Variants in PRSS22 observed in about 807,000 individuals in gnomAD.
The protein encoded by PRSS22 is brain-specific serine protease 4.
In PRSS22, 26 loss-of-function variants were observed where a neutral mutation model predicts 28.0. That is an observed-to-expected ratio of 0.93 (90% confidence interval 0.68 to 1.29). The LOEUF (loss-of-function observed/expected upper bound fraction) is 1.29, where lower values mean the gene tolerates loss of function less well. Among genes scored for constraint, PRSS22 ranks in the 50% most tolerant of loss-of-function variants. PRSS22 has a pLI of 0.00. For synonymous variants in PRSS22, 217 were observed against 177.9 expected, an observed-to-expected ratio of 1.22 and a Z score of -1.75; for missense variants, 444 against 422.1, an observed-to-expected ratio of 1.05 and a Z score of -0.46.
At chr16:2,856,964 T>G in intron 1 of PRSS22, 116 bp from the exon 2 acceptor site, 27 of 1,182,906 alleles carry the variant, frequency 2.3e-5, no homozygotes, top group Non-Finnish European at 2.7e-5. Flanking sequence ...GGGATCCCAG[T>G]GCCCAGTGAG....
At position 2,853,145 on chromosome 16, in the gene PRSS22, C is replaced by T. The variant is rs770631804; in HGVS notation, c.902G>A (p.Gly301Asp). Residue 301 changes from glycine to aspartate, a missense_variant, in exon 6 of 6, where the codon GGT (glycine) becomes GAT (aspartate). Gly to Asp is a moderately conservative substitution (Grantham distance 94, BLOSUM62 -1). Coordinates refer to ENST00000161006, the MANE Select transcript of PRSS22 (RefSeq NM_022119.4). This position sits in a 1 kb window ranked among gnomAD's most constrained non-coding sequence, Gnocchi z 4.6. ...GVQLRGRAQG[G>D]GALRAPSQGS... ...CTGGCTCGGTGCCCTGAGGGCCCCA[C>T]CCCCCTGAGCGCGCCCGCGGAGCTG... is the stretch of plus-strand genomic sequence containing the variant. 8.1e-6 allele frequency: 13 copies of T among 1,597,466 alleles called. No homozygotes were observed. The highest frequency in any genetic ancestry group is 4.0e-5 in the African/African-American group (3 of 74,840).
chr16:2,855,670 C>A lies in PRSS22; in HGVS notation c.463G>T (p.Glu155Ter), dbSNP rs141354307. ...VRLERSIQFS[E>*]RVLPICLPDA... is the part of the protein sequence containing the mutation. ...GGTAGGCAGATGGGCAGGACCCGCT[C>A]TGAGAACTGTATGGAGCGCTCGAGA... Residue 155 changes from glutamate (E) to a stop codon, truncating the protein, a stop_gained, in exon 4 of 6, where the codon GAG becomes TAG. Transcript: ENST00000161006. LOFTEE classifies it high-confidence loss of function. 3.1e-6 allele frequency: 5 copies of A among 1,614,168 alleles called. No individual in the cohort carries two copies. Among genetic ancestry groups the A allele is most frequent in the Non-Finnish European group, 4.2e-6 (5 of 1,180,028 alleles).
At position 2,852,860 on chromosome 16, in the gene PRSS22, G is replaced by A; in HGVS notation, c.*233C>T. 2 of 525,186 alleles carry A rather than the reference G, an allele frequency of 3.8e-6. No individual in the cohort carries two copies. Among genetic ancestry groups the A allele is most frequent in the Non-Finnish European group, 6.7e-6 (2 of 300,154 alleles). The allele number at this position is 525,186 out of a possible 1,614,324, so 32.5% of individuals were successfully genotyped here. ...GGCCCGGGGCGGGGCCGGAAGTCGT[G>A]GGGGCGGGGACATGAGGCCGTTGGG... On this transcript the variant is annotated 3_prime_UTR_variant, in exon 6 of 6. Transcript: ENST00000161006.
rs891678326 is a variant in PRSS22 at position 2,853,994 on chromosome 16, C to A, written c.588G>T (p.Gln196His). 5.6e-6 allele frequency: 9 copies of A among 1,614,220 alleles called. No homozygotes were observed. The highest frequency in any genetic ancestry group is 6.8e-6 in the Non-Finnish European group (8 of 1,180,046). ...AGTCGATGATAGGAACCTTCAGCTT[C>A]TGCAGGGTCTGAGGGTGGGGCAAGG... ...GVPLPHPQTL[Q>H]KLKVPIIDSE... The change falls in exon 5 of 6, where the codon CAG becomes CAT. Residue 196 changes from glutamine to histidine, a missense_variant. Physicochemically the swap from Gln to His is conservative, Grantham distance 24. Transcript: ENST00000161006. This position sits in a 1 kb window ranked among gnomAD's most constrained non-coding sequence, Gnocchi z 4.6.
At position 2,854,006 on chromosome 16, in the gene PRSS22, A is replaced by T; in HGVS notation, c.576T>A (p.Pro192=). 2 of 1,614,132 alleles carry T rather than the reference A, an allele frequency of 1.2e-6. No individual in the cohort carries two copies. The highest frequency in any genetic ancestry group is 1.7e-6 in the Non-Finnish European group (2 of 1,180,018). ...GAACCTTCAGCTTCTGCAGGGTCTG[A>T]GGGTGGGGCAAGGGAACTGGGAGGA... is the stretch of plus-strand genomic sequence containing the variant. ...SIQDGVPLPH[P]QTLQKLKVPI... The change falls in exon 5 of 6, where the codon CCT becomes CCA. Residue 192 remains proline (P), a synonymous_variant. Coordinates refer to ENST00000161006, the MANE Select transcript of PRSS22 (RefSeq NM_022119.4).
In PRSS22 at chr16:2,853,724, A is replaced by C. The variant is rs534999567; in HGVS notation, c.717+141T>G. ...GCTGAGCCAGGCTGAGGCTGGTTCT[A>C]TGGGGACCCGGGACTGTCAGGCACA... On this transcript the variant is annotated intron_variant, in intron 5 of 5. Coordinates refer to ENST00000161006, the MANE Select transcript of PRSS22 (RefSeq NM_022119.4). The surrounding 1 kb of genome is among the most constrained non-coding windows in gnomAD (Gnocchi z 4.6). The C allele has an allele frequency of 4.4e-6, 4 of 906,410 alleles. No individual in the cohort carries two copies. In the African/African-American group the frequency reaches 6.6e-5, roughly 15 times the overall value. 56.1% of individuals were successfully genotyped at this position (906,410 alleles called of 1,614,324 possible). A position where few individuals can be genotyped will look rare whatever the true frequency, so the allele number is the denominator to read the frequency against.
At position 2,855,603 on chromosome 16, in the gene PRSS22, A is replaced by G; in HGVS notation, c.530T>C (p.Ile177Thr). The stretch of plus-strand genomic sequence containing the variant: ...ATCTTGGATGCTCCCCCAGCCTGAG[A>G]TCCAGCAGTGGGTGTTTGGAGGGAG... ...IHLPPNTHCW[I>T]SGWGSIQDGV... Residue 177 changes from isoleucine (I) to threonine (T), a missense_variant, in exon 4 of 6, where the codon ATC becomes ACC. Coordinates refer to ENST00000161006, the MANE Select transcript of PRSS22 (RefSeq NM_022119.4). The G allele has an allele frequency of 6.2e-7, 1 of 1,614,044 alleles. No homozygotes were observed.
intron 1 of PRSS22, among the ~76,000 whole-genome samples, chr16:2,857,408 A>G (rs1321996525): frequency 6.6e-6 from 1 of 151,848 alleles, no homozygotes; most frequent in Non-Finnish European, 1.5e-5. Context: ...CAGGCGTCCC[A>G]GCGCCCAGTG....
At position 2,857,013 on chromosome 16, in the gene PRSS22, G is replaced by A. The variant is rs367849238; in HGVS notation, c.83-165C>T. ...CACCCAGTGAGGAGGGTCCCTCAGC[G>A]CCCAGTGAGGAGGGGTCCCAGCACC... On this transcript the variant is annotated intron_variant, in intron 1 of 5. Coordinates refer to ENST00000161006, the MANE Select transcript of PRSS22 (RefSeq NM_022119.4). The A allele has an allele frequency of 3.0e-5, 23 of 778,000 alleles. No individual in the cohort carries two copies. In the East Asian group the frequency reaches 4.6e-4, roughly 15 times the overall value. The allele number at this position is 778,000 out of a possible 1,614,324, so 48.2% of individuals were successfully genotyped here.
intron 4 of PRSS22, 66 bp from the exon 5 acceptor site, chr16:2,854,088 A>C: frequency 1.3e-6 from 2 of 1,563,748 alleles, no homozygotes; most frequent in Non-Finnish European, 1.8e-6. Flanking sequence ...TCAAAGGACT[A>C]TTCCCCCCCA....
At chr16:2,855,365 A>AAGAAG (rs545906023) in intron 4 of PRSS22, among the ~76,000 whole-genome samples, 1 of 134,584 alleles carries the variant, frequency 7.4e-6, no homozygotes, top group African/African-American at 2.9e-5. Flanking sequence ...AAAAAAAAAA[A>AAGAAG]AAGAAGAAGA....
rs905459091 is a variant in PRSS22 at position 2,853,019 on chromosome 16, G to A, written c.*74C>T. On this transcript the variant is annotated 3_prime_UTR_variant, in exon 6 of 6. Transcript: ENST00000161006. This position sits in a 1 kb window ranked among gnomAD's most constrained non-coding sequence, Gnocchi z 4.6. Reference sequence around the variant, plus strand: ...CTATTTACGGCGGGGGAAACCGCCCGAGGCCGCCGCAGATCCAGATCCAGA... The same window carrying A: ...CTATTTACGGCGGGGGAAACCGCCCAAGGCCGCCGCAGATCCAGATCCAGA... 1 of 1,059,506 alleles carries A rather than the reference G, an allele frequency of 9.4e-7. No individual in the cohort carries two copies. The highest frequency in any genetic ancestry group is 1.7e-5 in the South Asian group (1 of 60,002). 65.6% of individuals were successfully genotyped at this position (1,059,506 alleles called of 1,614,324 possible).
intron 4 of PRSS22, among the ~76,000 whole-genome samples, chr16:2,855,347 C>CAAAAAAAAAAAAAAAA (rs33950878): frequency 1.2e-4 from 8 of 69,022 alleles, no homozygotes; most frequent in Non-Finnish European, 1.8e-4. Flanking sequence ...CACCCTGTCT[C>CAAAAAAAAAAAAAAAA]AAAAAAAAAA....
At chr16:2,857,081 G>A (rs2069465559) in intron 1 of PRSS22, 2 of 581,994 alleles carry the variant, frequency 3.4e-6, no homozygotes, top group Non-Finnish European at 6.0e-6. Context: ...AGGGGTCCCA[G>A]TACCCAGTGA....
intron 1 of PRSS22, 81 bp downstream of exon 1, chr16:2,857,942 A>AGGAGGGAGAGAG (rs2069478463): frequency 9.4e-7 from 1 of 1,069,146 alleles, no homozygotes; most frequent in African/African-American, 1.6e-5. Flanking sequence ...AGGCAAGGCC[A>AGGAGGGAGAGAG]GGAGGGAGAG....
chr16:2,853,831 C>T lies in PRSS22; in HGVS notation c.717+34G>A. ...GACGCTGGCTCCTTCCCGAGGCCCT[C>T]CTGGCCAGGGGTGGGGGGCTCGAGG... On this transcript the variant is annotated intron_variant, in intron 5 of 5. Coordinates refer to ENST00000161006, the MANE Select transcript of PRSS22 (RefSeq NM_022119.4). This position sits in a 1 kb window ranked among gnomAD's most constrained non-coding sequence, Gnocchi z 4.6. 2 of 1,610,386 alleles carry T rather than the reference C, an allele frequency of 1.2e-6. No homozygotes were observed. Among genetic ancestry groups the T allele is most frequent in the Non-Finnish European group, 1.7e-6 (2 of 1,178,710 alleles).
intron 4 of PRSS22, 85 bp from the exon 5 acceptor site, chr16:2,854,107 C>G: frequency 6.7e-7 from 1 of 1,485,248 alleles, no homozygotes; most frequent in Non-Finnish European, 9.3e-7. Context: ...CAACACCATT[C>G]CTCTCAGCAG....
At chr16:2,857,824 G>T in intron 1 of PRSS22, 199 bp downstream of exon 1, 1 of 408,786 alleles carries the variant, frequency 2.4e-6, no homozygotes, top group Non-Finnish European at 4.2e-6. Flanking sequence ...GGCGCGCTGC[G>T]TACTTGCTGC....
intron 1 of PRSS22, among the ~76,000 whole-genome samples, chr16:2,857,358 T>C (rs1452746589): frequency 1.3e-4 from 9 of 71,084 alleles, no homozygotes; most frequent in African/African-American, 1.7e-4. Flanking sequence ...GAGGAGGGGG[T>C]CCCAGCGCCC....
Sources: allele counts gnomAD v4.1 joint callset (sites outside exome capture counted in the v4.1 genomes callset), GRCh38; gene constraint gnomAD v4.1.1; non-coding constraint Gnocchi (gnomAD v3.1); transcripts MANE v1.5; gene names NCBI Gene and HGNC (gene_info 2026-07-23, HGNC 2026-07-21).